The following SEC14L1 variants were observed in gnomAD, a reference collection of about 807,000 sequenced individuals.
SEC14L1 encodes the protein SEC14-like protein 1.
Under a neutral mutation model 85.3 loss-of-function variants are expected in SEC14L1, and 48 were observed. That is an observed-to-expected ratio of 0.56 (90% CI 0.45 to 0.72). The LOEUF is 0.72. Among genes scored for constraint, SEC14L1 ranks in the 30% least tolerant of loss-of-function variants. SEC14L1 has a pLI of 0.00. For synonymous variants in SEC14L1, 391 were observed against 355.5 expected, an observed-to-expected ratio of 1.10 and a Z score of -1.12; for missense variants, 682 against 921.4, an observed-to-expected ratio of 0.74 and a Z score of 3.36.
intron 3 of SEC14L1, among the ~76,000 whole-genome samples, chr17:77,156,764 T>G (rs1360461868): frequency 6.6e-6 from 1 of 152,176 alleles, no homozygotes; most frequent in East Asian, 1.9e-4. Context: ...CTGTATTTAC[T>G]ATTTATGGTT....
At chr17:77,141,298 C>T (rs1237803977) in intron 1 of SEC14L1, 191 bp downstream of exon 1, 1 of 137,958 alleles carries the variant, frequency 7.2e-6, no homozygotes, top group Non-Finnish European at 1.6e-5. Context: ...TGCTCGCCCT[C>T]CGCCCCCCTG....
intron 3 of SEC14L1, among the ~76,000 whole-genome samples, chr17:77,098,333 TAC>T: frequency 6.6e-6 from 1 of 152,050 alleles, no homozygotes; most frequent in Non-Finnish European, 1.5e-5. Flanking sequence ...ACCCCATCTC[TAC>T]TAAAAATACA....
chr17:77,105,090 C>G (rs544517134), intron 3 of SEC14L1, among the ~76,000 whole-genome samples: 12 of 152,034 alleles, frequency 7.9e-5, no homozygotes, highest in Non-Finnish European at 1.8e-4. Flanking sequence ...TTCTGATGAG[C>G]CTTTCCAAAG....
At chr17:77,155,330 CCA>C (rs1233305222) in intron 3 of SEC14L1, among the ~76,000 whole-genome samples, 4 of 152,058 alleles carry the variant, frequency 2.6e-5, no homozygotes, top group Non-Finnish European at 5.9e-5. Context: ...ACACCCACAC[CCA>C]CACACCCACC....
chr17:77,172,542 T>C (rs1000944058), intron 3 of SEC14L1, among the ~76,000 whole-genome samples: 6 of 152,222 alleles, frequency 3.9e-5, no homozygotes, highest in Admixed American at 3.9e-4. Flanking sequence ...TGCTTTTCTT[T>C]TCCTCGTCTT....
chr17:77,106,585 G>T (rs1442751929), intron 3 of SEC14L1, among the ~76,000 whole-genome samples: 1 of 150,640 alleles, frequency 6.6e-6, no homozygotes, highest in Non-Finnish European at 1.5e-5. Flanking sequence ...TGGATCACCT[G>T]AGGTCAGGAG....
At chr17:77,173,953 TGCAA>T (rs1422266951) in intron 3 of SEC14L1, among the ~76,000 whole-genome samples, 2 of 151,682 alleles carry the variant, frequency 1.3e-5, no homozygotes, top group Admixed American at 1.3e-4. Context: ...CAGGCAGGAG[TGCAA>T]TGGCACGATC....
chr17:77,215,418 G>C lies in SEC14L1; in HGVS notation c.*1395G>C. ...CCCCACGCGGCTGTCAACTGTGTGC[G>C]TGGTAGGCATGGAGATCCTGGTTGT... On this transcript the variant is annotated 3_prime_UTR_variant, in exon 17 of 17. Coordinates refer to ENST00000436233, the MANE Select transcript of SEC14L1 (RefSeq NM_001143998.2). 1.0e-6 allele frequency: 1 copy of C among 985,470 alleles called. No individual in the cohort carries two copies. Among genetic ancestry groups the C allele is most frequent in the Non-Finnish European group, 1.2e-6 (1 of 829,994 alleles). 61.0% of individuals were successfully genotyped at this position (985,470 alleles called of 1,614,324 possible).
rs539398049 is a variant in SEC14L1 at position 77,119,500 on chromosome 17, C to T, written c.-135-23146C>T. 5.3e-5 allele frequency among the ~76,000 whole-genome samples: 8 copies of T among 152,096 alleles called. 1 individual carries two copies. The South Asian group carries it at 6.2e-4, about 12-fold the overall frequency. ...AGATGGAGGAGCACCATCAAGGAGC[C>T]GGTATCCCTGTGAAAGAGCAGACGT... On this transcript the variant is annotated intron_variant, in intron 3 of 19. Transcript: ENST00000392476.
rs1321372228 is a variant in SEC14L1 at position 77,216,761 on chromosome 17, T to C, written c.*2738T>C. ...AGCTCAAAGCACATGACCGCACAAA[T>C]GCTTACAGGGTTTCCTCCCGAGTAA... On this transcript the variant is annotated 3_prime_UTR_variant, in exon 17 of 17. Transcript: ENST00000436233. The C allele has an allele frequency of 2.2e-6, 2 of 926,004 alleles. No individual in the cohort carries two copies. Among genetic ancestry groups the C allele is most frequent in the African/African-American group, 3.3e-5 (2 of 60,710 alleles). The allele number at this position is 926,004 out of a possible 1,614,324, so 57.4% of individuals were successfully genotyped here.
At chr17:77,182,198 TTGAA>T (rs1224223079) in intron 3 of SEC14L1, among the ~76,000 whole-genome samples, 1 of 152,216 alleles carries the variant, frequency 6.6e-6, no homozygotes, top group African/African-American at 2.4e-5. Context: ...TGAGTTTGTT[TTGAA>T]TGGGTTTTTC....
Position 77,214,774 on chromosome 17 carries a change from T to C in SEC14L1, c.*751T>C. On this transcript the variant is annotated 3_prime_UTR_variant, in exon 17 of 17. Coordinates refer to ENST00000436233, the MANE Select transcript of SEC14L1 (RefSeq NM_001143998.2). ...GGATTTTTCTGTATGTGAACTTGGGTGGGGGGGTTCTTCCCGTTTCCTTCC... is the reference window on the plus strand; with the variant it reads ...GGATTTTTCTGTATGTGAACTTGGGCGGGGGGGTTCTTCCCGTTTCCTTCC... 1 of 985,416 alleles carries C rather than the reference T, an allele frequency of 1.0e-6. No individual in the cohort carries two copies. The highest frequency in any genetic ancestry group is 1.2e-6 in the Non-Finnish European group (1 of 829,988). 61.0% of individuals were successfully genotyped at this position (985,416 alleles called of 1,614,324 possible).
intron 3 of SEC14L1, among the ~76,000 whole-genome samples, chr17:77,119,748 A>G (rs1972253344): frequency 6.6e-6 from 1 of 152,190 alleles, no homozygotes; most frequent in African/African-American, 2.4e-5. Flanking sequence ...TCATACTTCT[A>G]TTATGTACAT....
intron 3 of SEC14L1, among the ~76,000 whole-genome samples, chr17:77,161,064 T>G (rs1470189125): frequency 2.6e-5 from 4 of 152,258 alleles, no homozygotes; most frequent in African/African-American, 9.6e-5. Flanking sequence ...ATATTCATTT[T>G]GAAGGGGAAA....
At chr17:77,208,605 T>C (rs937377112) in intron 13 of SEC14L1, among the ~76,000 whole-genome samples, 54 of 152,242 alleles carry the variant, frequency 3.5e-4, no homozygotes, top group Non-Finnish European at 4.0e-4. Flanking sequence ...TCCTGCTCTC[T>C]GGTGGCCGGA....
Position 77,106,046 on chromosome 17 carries a change from G to A in SEC14L1, c.-136+12699G>A, listed in dbSNP as rs888048623. On this transcript the variant is annotated intron_variant, in intron 3 of 19. Transcript: ENST00000392476. ...CAGTTCGTCTACCTAATTTTGCCAC[G>A]AATCAAGGAAATCACCCTGTACTTT... Among the ~76,000 whole-genome samples the A allele has an allele frequency of 3.3e-5, 5 of 151,612 alleles. No individual in the cohort carries two copies. The South Asian group carries it at 1.0e-3, about 31-fold the overall frequency.
chr17:77,195,044 G>C, intron 7 of SEC14L1, 133 bp downstream of exon 7: 1 of 652,010 alleles, frequency 1.5e-6, no homozygotes, highest in Non-Finnish European at 2.7e-6. Context: ...CCCGTCTCTC[G>C]TTTCTGGCCC....
At chr17:77,192,618 C>T (rs3785446) in intron 5 of SEC14L1, among the ~76,000 whole-genome samples, 21,976 of 152,000 alleles carry the variant, frequency 0.14, 1,945 homozygotes, top group Middle Eastern at 0.21. Context: ...TTGGCCAGCC[C>T]CAGCCACCCA....
chr17:77,131,809 G>A (rs1234533488), intron 3 of SEC14L1, among the ~76,000 whole-genome samples: 3 of 152,232 alleles, frequency 2.0e-5, no homozygotes, highest in Admixed American at 6.5e-5. Context: ...GAGTGAGTCT[G>A]TATTTTTGGG....
Sources: gnomAD v4.1 joint callset for allele counts (sites outside exome capture counted in the v4.1 genomes callset) on GRCh38, gnomAD v4.1.1 for gene constraint, MANE v1.5 for transcripts, NCBI Gene and HGNC (gene_info 2026-07-23, HGNC 2026-07-21) for gene names.